Variants in CES5A observed in about 807,000 individuals in gnomAD.
The protein encoded by CES5A is carboxylesterase 5.
Under a neutral mutation model 62.9 loss-of-function variants are expected in CES5A, and 67 were observed. The observed-to-expected ratio is 1.07, with a 90% CI of 0.88 to 1.31. CES5A has a LOEUF of 1.31. Ranked by LOEUF, CES5A falls within the 50% of genes most tolerant of loss-of-function variation. The pLI is 0.00. For synonymous variants in CES5A, 296 were observed against 280.8 expected (o/e 1.05, Z -0.54); for missense variants, 748 against 708.5 (o/e 1.06, Z -0.63).
rs78419871 is a variant in CES5A at position 55,884,887 on chromosome 16, C to T, written c.-255-10850G>A. 9.7e-3 allele frequency among the ~76,000 whole-genome samples: 1,477 copies of T among 152,244 alleles called. 17 individuals carry two copies. Among genetic ancestry groups the T allele is most frequent in the South Asian group, 0.021 (102 of 4,816 alleles). On this transcript the variant is annotated intron_variant, in intron 1 of 12. Coordinates refer to the CES5A transcript ENST00000518005. ...GATTACAGGAGGGAGCCACTGTGCC[C>T]GGCCTTACCACTAAACTTCTTAGTG...
At chr16:55,944,641 TC>T (rs1291571899) in intron 2 of CES5A, among the ~76,000 whole-genome samples, 1 of 152,152 alleles carries the variant, frequency 6.6e-6, no homozygotes, top group Non-Finnish European at 1.5e-5. Context: ...CAAAAAAACT[TC>T]CAGGCTCTTG....
Position 55,886,170 on chromosome 16 carries a change from T to C in CES5A, c.-255-12133A>G, listed in dbSNP as rs571397542. 1.1e-4 allele frequency among the ~76,000 whole-genome samples: 17 copies of C among 152,338 alleles called. No homozygotes were observed. The South Asian group carries it at 2.9e-3, about 26-fold the overall frequency. ...CAGGAGTGACCTCAAAAGATAGTGA[T>C]GAGAAAAACATCCTCCTGGTGTCCA... On this transcript the variant is annotated intron_variant, in intron 1 of 12. Coordinates refer to the CES5A transcript ENST00000518005.
intron 8 of CES5A, among the ~76,000 whole-genome samples, chr16:55,857,974 C>G (rs1272884757): frequency 6.6e-6 from 1 of 152,176 alleles, no homozygotes; most frequent in Non-Finnish European, 1.5e-5. Context: ...GCAGGTGGAT[C>G]ACTTGAGGTC....
At chr16:55,847,561 T>A (rs1393579810) in intron 11 of CES5A, among the ~76,000 whole-genome samples, 1 of 152,170 alleles carries the variant, frequency 6.6e-6, no homozygotes, top group Non-Finnish European at 1.5e-5. Context: ...AGAGGCACTT[T>A]CCCAAAGACA....
upstream of CES5A, among the ~76,000 whole-genome samples, chr16:55,930,058 C>T (rs1317761320): frequency 3.9e-5 from 6 of 152,150 alleles, no homozygotes; most frequent in East Asian, 1.9e-4. Flanking sequence ...CTGCCCACCT[C>T]TTTGTCCCAA....
At chr16:55,857,931 A>G (rs557989734) in intron 8 of CES5A, among the ~76,000 whole-genome samples, 182 of 152,350 alleles carry the variant, frequency 1.2e-3, no homozygotes, top group Middle Eastern at 6.8e-3. Context: ...GTACCAGCCC[A>G]TGCCTGTAAT....
chr16:55,867,880 T>C (rs2033496891), intron 4 of CES5A, among the ~76,000 whole-genome samples: 1 of 152,230 alleles, frequency 6.6e-6, no homozygotes, highest in Non-Finnish European at 1.5e-5. Context: ...GTTATATACA[T>C]GTTAGCTATT....
chr16:55,941,062 A>G (rs987865510), intron 2 of CES5A, among the ~76,000 whole-genome samples: 5 of 152,080 alleles, frequency 3.3e-5, no homozygotes, highest in African/African-American at 1.2e-4. Context: ...ATGGCAAATT[A>G]TGAATGTTTT....
At chr16:55,865,325 C>T (rs2033434237) in intron 5 of CES5A, among the ~76,000 whole-genome samples, 1 of 152,098 alleles carries the variant, frequency 6.6e-6, no homozygotes, top group African/African-American at 2.4e-5. Context: ...ATTTATATTG[C>T]TGTCAAATTG....
At chr16:55,866,264 A>C (rs533487838) in intron 4 of CES5A, 148 bp from the exon 5 acceptor site, 3 of 635,008 alleles carry the variant, frequency 4.7e-6, no homozygotes, top group African/African-American at 1.8e-5. Flanking sequence ...AACCGGACTC[A>C]GTTCTCACAC....
At chr16:55,919,460 C>A (rs1056147411) in intron 1 of CES5A, among the ~76,000 whole-genome samples, 2 of 152,110 alleles carry the variant, frequency 1.3e-5, no homozygotes, top group Non-Finnish European at 2.9e-5. Context: ...GGATTCCCTA[C>A]CCAAATGATT....
At chr16:55,941,384 A>C (rs1221786744) in intron 2 of CES5A, among the ~76,000 whole-genome samples, 1 of 152,058 alleles carries the variant, frequency 6.6e-6, no homozygotes, top group East Asian at 1.9e-4. Flanking sequence ...TGTCATTCAC[A>C]ATACCCCTCC....
intron 1 of CES5A, among the ~76,000 whole-genome samples, chr16:55,892,619 A>T (rs538320046): frequency 3.3e-5 from 5 of 152,212 alleles, no homozygotes; most frequent in Admixed American, 1.3e-4. Flanking sequence ...TTTTAATTAA[A>T]TTTTTTTCAA....
chr16:55,875,318 A>G lies in CES5A; in HGVS notation c.-97T>C. The G allele has an allele frequency of 6.4e-7, 1 of 1,552,280 alleles. No homozygotes were observed. Among genetic ancestry groups the G allele is most frequent in the Non-Finnish European group, 8.7e-7 (1 of 1,153,344 alleles). The stretch of plus-strand genomic sequence containing the variant: ...GAAAGAGCTTCCTGTTAACAGGCAA[A>G]TGCTGAATAGGCAGGCAGAGGCAGC... On this transcript the variant is annotated 5_prime_UTR_variant, in exon 1 of 13. Coordinates refer to ENST00000290567, the MANE Select transcript of CES5A (RefSeq NM_001143685.2).
intron 4 of CES5A, 43 bp downstream of exon 4, chr16:55,869,568 G>T: frequency 6.2e-7 from 1 of 1,604,672 alleles, no homozygotes; most frequent in Non-Finnish European, 8.5e-7. Context: ...CTGCACTGCT[G>T]CCCTTTGGGG....
At chr16:55,918,296 C>A (rs575115978) in intron 1 of CES5A, among the ~76,000 whole-genome samples, 18 of 152,226 alleles carry the variant, frequency 1.2e-4, no homozygotes, top group Non-Finnish European at 2.6e-4. Context: ...TTCTCATGGC[C>A]TCCCCTTGGT....
At chr16:55,907,999 T>C (rs1421591080) in intron 1 of CES5A, among the ~76,000 whole-genome samples, 2 of 152,138 alleles carry the variant, frequency 1.3e-5, no homozygotes, top group South Asian at 2.1e-4. Flanking sequence ...AGAAAATGGA[T>C]ATGGATATGC....
chr16:55,878,910 A>C (rs1438758611), upstream of CES5A, among the ~76,000 whole-genome samples: 5 of 129,948 alleles, frequency 3.8e-5, no homozygotes, highest in Non-Finnish European at 6.5e-5. Context: ...ACTGCACCCT[A>C]CCACTGCACC....
chr16:55,891,749 T>C (rs2033881268), intron 1 of CES5A, among the ~76,000 whole-genome samples: 1 of 152,192 alleles, frequency 6.6e-6, no homozygotes, highest in African/African-American at 2.4e-5. Context: ...TTAGTGGTTT[T>C]GGGGGTCCAT....
Sources: gnomAD v4.1 joint callset for allele counts (sites outside exome capture counted in the v4.1 genomes callset) on GRCh38, gnomAD v4.1.1 for gene constraint, MANE v1.5 for transcripts, NCBI Gene and HGNC (gene_info 2026-07-23, HGNC 2026-07-21) for gene names.